The following SOX5 variants were observed in gnomAD, a reference collection of about 807,000 sequenced individuals.
SOX5 encodes transcription factor SOX-5.
Under a neutral mutation model 92.0 loss-of-function variants are expected in SOX5, and 9 were observed. That is an observed-to-expected ratio of 0.10 (90% confidence interval 0.06 to 0.17). The LOEUF (loss-of-function observed/expected upper bound fraction) is 0.17, where lower values mean the gene tolerates loss of function less well. Among genes scored for constraint, SOX5 ranks in the 10% least tolerant of loss-of-function variants. The pLI, the probability that SOX5 is intolerant of heterozygous loss-of-function variation, is 1.00. For missense variants in SOX5, 642 were observed against 944.5 expected (o/e 0.68, Z 4.20); for synonymous variants, 344 against 336.3 (o/e 1.02, Z -0.25).
In SOX5 at chr12:23,846,111, C is replaced by G; in HGVS notation, c.353G>C (p.Arg118Pro). 1 of 1,614,112 alleles carries G rather than the reference C, an allele frequency of 6.2e-7. No homozygotes were observed. Among genetic ancestry groups the G allele is most frequent in the African/African-American group, 1.3e-5 (1 of 75,036 alleles). Residue 118 changes from arginine to proline, a missense_variant, in exon 3 of 15, where the codon CGA becomes CCA. Transcript: ENST00000451604. ...ACTAGACAAGGACTCGCCACTCTGTCGCCCACCTTCTTCTGCCTTCTGAGG... is the reference window on the plus strand; with the variant it reads ...ACTAGACAAGGACTCGCCACTCTGTGGCCCACCTTCTTCTGCCTTCTGAGG... ...TSPQKAEEGGRQSGESLSSTA... is the reference protein window; with the variant it reads ...TSPQKAEEGGPQSGESLSSTA...
intron 4 of SOX5, among the ~76,000 whole-genome samples, chr12:24,135,924 T>C (rs1419798828): frequency 6.6e-6 from 1 of 152,202 alleles, no homozygotes; most frequent in African/African-American, 2.4e-5. Flanking sequence ...ATGGATGTAT[T>C]TCATTTGGTA....
intron 3 of SOX5, among the ~76,000 whole-genome samples, chr12:24,221,061 G>A (rs1298461372): frequency 6.6e-6 from 1 of 152,174 alleles, no homozygotes; most frequent in Non-Finnish European, 1.5e-5. Flanking sequence ...ATGTGACAGA[G>A]CTGAGATTTT....
chr12:24,115,638 C>T (rs1019310093), intron 4 of SOX5, among the ~76,000 whole-genome samples: 2 of 151,846 alleles, frequency 1.3e-5, no homozygotes, highest in African/African-American at 4.8e-5. Flanking sequence ...TTGATAAAGG[C>T]AAAGATTGCC....
chr12:24,287,387 C>T (rs1307156551), intron 2 of SOX5, among the ~76,000 whole-genome samples: 3 of 152,120 alleles, frequency 2.0e-5, no homozygotes, highest in African/African-American at 7.2e-5. Flanking sequence ...CAGATAACTT[C>T]TTGGATACAG....
chr12:23,604,210 G>T, intron 9 of SOX5, 177 bp downstream of exon 9: 1 of 586,578 alleles, frequency 1.7e-6, no homozygotes, highest in Non-Finnish European at 3.1e-6. Context: ...ATGAATAAAT[G>T]AATGATTCAA....
At chr12:24,475,429 C>G (rs1945257901) in intron 1 of SOX5, among the ~76,000 whole-genome samples, 1 of 152,194 alleles carries the variant, frequency 6.6e-6, no homozygotes, top group African/African-American at 2.4e-5. Context: ...AGCACAGTAT[C>G]TTAAGCACAT....
Position 23,642,966 on chromosome 12 carries a change from A to G in SOX5, c.932-2069T>C, listed in dbSNP as rs950741399. 1.5e-5 allele frequency among the ~76,000 whole-genome samples: 2 copies of G among 137,170 alleles called. 1 individual carries two copies. Among genetic ancestry groups the G allele is most frequent in the East Asian group, 4.7e-4 (2 of 4,282 alleles). The allele number at this position is 137,170 out of a possible 152,430, so 90.0% of individuals were successfully genotyped here. A position where few individuals can be genotyped will look rare whatever the true frequency, so the allele number is the denominator to read the frequency against. The stretch of plus-strand genomic sequence containing the variant: ...GCCGGGCGTAGTGGCGGGCGCCTGT[A>G]GTCCCAGCTACTTGGGAGGCTGAGG... On this transcript the variant is annotated intron_variant, in intron 7 of 14. Coordinates refer to ENST00000451604, the MANE Select transcript of SOX5 (RefSeq NM_006940.6).
At chr12:23,850,471 A>G (rs2096621295) in intron 2 of SOX5, among the ~76,000 whole-genome samples, 1 of 81,332 alleles carries the variant, frequency 1.2e-5, no homozygotes, top group Non-Finnish European at 2.3e-5. Flanking sequence ...ATAAATAAAA[A>G]ATAAAAAAAA....
intron 4 of SOX5, among the ~76,000 whole-genome samples, chr12:24,118,517 A>T (rs1948294840): frequency 6.6e-6 from 1 of 152,194 alleles, no homozygotes; most frequent in Non-Finnish European, 1.5e-5. Context: ...ACTAAAGGTC[A>T]TTAAACATCT....
chr12:23,903,418 A>G (rs559160430), intron 1 of SOX5, among the ~76,000 whole-genome samples: 3 of 152,232 alleles, frequency 2.0e-5, no homozygotes, highest in East Asian at 3.9e-4. Context: ...CTCCATTTCT[A>G]TAAAAAAATT....
chr12:24,169,688 T>C (rs1004326521), intron 4 of SOX5, among the ~76,000 whole-genome samples: 3 of 152,220 alleles, frequency 2.0e-5, no homozygotes, highest in African/African-American at 7.2e-5. Context: ...GTAGTGGCTC[T>C]GGAATTAAAA....
At chr12:23,879,584 A>C (rs1472421824) in intron 2 of SOX5, among the ~76,000 whole-genome samples, 2 of 152,204 alleles carry the variant, frequency 1.3e-5, no homozygotes, top group Non-Finnish European at 2.9e-5. Flanking sequence ...CATAGGACAG[A>C]TGTAACTACT....
intron 6 of SOX5, among the ~76,000 whole-genome samples, chr12:23,693,307 A>G (rs1012821148): frequency 6.6e-6 from 1 of 152,066 alleles, no homozygotes; most frequent in Non-Finnish European, 1.5e-5. Context: ...GATTTGTAGT[A>G]GAGGTGGGTT....
At chr12:24,485,024 G>A (rs757243327) in intron 1 of SOX5, among the ~76,000 whole-genome samples, 1 of 152,152 alleles carries the variant, frequency 6.6e-6, no homozygotes, top group Non-Finnish European at 1.5e-5. Context: ...TTTAAGGGAG[G>A]ATTTACAAGG....
intron 1 of SOX5, among the ~76,000 whole-genome samples, chr12:23,932,236 G>T (rs1009893510): frequency 6.6e-6 from 1 of 151,500 alleles, no homozygotes; most frequent in Non-Finnish European, 1.5e-5. Context: ...AATCCAGATC[G>T]TGAGACATTA....
At position 24,213,700 on chromosome 12, in the gene SOX5, C is replaced by G. The variant is rs554360126; in HGVS notation, c.-76-283G>C. ...TAATGAATGAAAAATCAATGAAAAA[C>G]TAAACAATTTTTATTAATGACATTT... On this transcript the variant is annotated intron_variant, in intron 3 of 4. Transcript: ENST00000446891. Among the ~76,000 whole-genome samples, 205 of 151,008 alleles carry G rather than the reference C, an allele frequency of 1.4e-3. 1 individual carries two copies. The highest frequency in any genetic ancestry group is 4.5e-3 in the African/African-American group (185 of 41,208).
At chr12:24,383,642 A>G (rs1229179596) in intron 1 of SOX5, among the ~76,000 whole-genome samples, 4 of 152,202 alleles carry the variant, frequency 2.6e-5, no homozygotes, top group Non-Finnish European at 4.4e-5. Context: ...CAGCTTGGTT[A>G]TCAGATCCAG....
chr12:24,224,215 C>T (rs1961303360), intron 3 of SOX5, among the ~76,000 whole-genome samples: 1 of 152,194 alleles, frequency 6.6e-6, no homozygotes, highest in Non-Finnish European at 1.5e-5. Context: ...TTCAGTTGTG[C>T]CGCTTCACTC....
chr12:24,366,780 C>T (rs1004910847), intron 2 of SOX5, among the ~76,000 whole-genome samples: 6 of 152,004 alleles, frequency 3.9e-5, no homozygotes, highest in Non-Finnish European at 5.9e-5. Flanking sequence ...AATCTTATTA[C>T]ATATTATCAA....
Sources: gnomAD v4.1 joint callset for allele counts (sites outside exome capture counted in the v4.1 genomes callset) on GRCh38, gnomAD v4.1.1 for gene constraint, MANE v1.5 for transcripts, NCBI Gene and HGNC (gene_info 2026-07-23, HGNC 2026-07-21) for gene names.